The following HOOK2 variants were observed in gnomAD, a reference collection of about 807,000 sequenced individuals.
The protein encoded by HOOK2 is protein Hook homolog 2.
In HOOK2, 108 loss-of-function variants were observed where a neutral mutation model predicts 111.9. The ratio of observed to expected loss-of-function variants is 0.96; its 90% CI spans 0.83 to 1.13. The LOEUF (loss-of-function observed/expected upper bound fraction) is 1.13, where lower values mean the gene tolerates loss of function less well. Ranked by LOEUF, HOOK2 falls within the 50% of genes most tolerant of loss-of-function variation. HOOK2 has a pLI of 0.00. For synonymous variants in HOOK2, 405 were observed against 394.3 expected (o/e 1.03, Z -0.32); for missense variants, 978 against 951.3 (o/e 1.03, Z -0.37).
intron 3 of HOOK2, chr19:12,792,161 G>A (rs751978550): frequency 6.3e-7 from 1 of 1,593,626 alleles, no homozygotes; most frequent in South Asian, 1.1e-5. Flanking sequence ...GCGTCACCGA[G>A]GAGCAGGAGG....
rs2145730466 is a variant in HOOK2 at position 12,765,978 on chromosome 19, C to T, written c.1548G>A (p.Gln516=). The change falls in exon 16 of 23, where the codon CAG becomes CAA. Residue 516 remains glutamine, a synonymous_variant. Transcript: ENST00000397668. The stretch of plus-strand genomic sequence containing the variant: ...GCAGGGCTTTCTGCAGGTCCTCCAC[C>T]TGGGCCCGCAGCTCGGATAGCTGCT... ...NQQQLSELRA[Q]VEDLQKALQE... is the part of the protein sequence containing the mutation. 1 of 1,614,098 alleles carries T rather than the reference C, an allele frequency of 6.2e-7. No homozygotes were observed. The highest frequency in any genetic ancestry group is 8.5e-7 in the Non-Finnish European group (1 of 1,180,012).
At position 12,764,833 on chromosome 19, in the gene HOOK2, T is replaced by C. The variant is rs780260759; in HGVS notation, c.1808A>G (p.Tyr603Cys). Residue 603 changes from tyrosine to cysteine, a missense_variant, in exon 20 of 23, where the codon TAC becomes TGC. Physicochemically the swap from Tyr to Cys is radical, Grantham distance 194. Transcript: ENST00000397668. The part of the protein sequence containing the change: ...LRAMEERYRR[Y>C]VDKARMVMQT... ...CCTCACCATGCGGGCCTTGTCCACG[T>C]AGCGGCGGTATCGCTCCTCCATGGC... 9.3e-6 allele frequency: 15 copies of C among 1,613,954 alleles called. No individual in the cohort carries two copies. The highest frequency in any genetic ancestry group is 1.3e-5 in the Non-Finnish European group (15 of 1,180,010).
chr19:12,790,204 G>A lies in HOOK2; in HGVS notation n.42-15979C>T, dbSNP rs1056618072. The stretch of plus-strand genomic sequence containing the variant: ...GGGCTCCAAGCACCCGGGCCTCCGC[G>A]GGGGCTCGCACGCCCAGGTTCCTCT... On this transcript the variant is annotated intron_variant and non_coding_transcript_variant, in intron 3 of 3. Transcript: ENST00000589765. This position sits in a 1 kb window ranked among gnomAD's most constrained non-coding sequence, Gnocchi z 7.2. 1.3e-4 allele frequency among the ~76,000 whole-genome samples: 20 copies of A among 152,316 alleles called. No homozygotes were observed. Among genetic ancestry groups the A allele is most frequent in the African/African-American group, 4.8e-4 (20 of 41,586 alleles).
At chr19:12,769,723 C>G (rs1296032153) in intron 11 of HOOK2, among the ~76,000 whole-genome samples, 158 bp downstream of exon 11, 1 of 152,198 alleles carries the variant, frequency 6.6e-6, no homozygotes, top group Admixed American at 6.5e-5. Context: ...GGCTTACTAA[C>G]CCAGACAGAA....
intron 3 of HOOK2, among the ~76,000 whole-genome samples, chr19:12,783,925 G>C (rs1378035890): frequency 2.0e-5 from 3 of 152,106 alleles, no homozygotes; most frequent in Admixed American, 2.0e-4. Context: ...CCCAGGAAGT[G>C]AGAGGCGGGG....
Position 12,766,214 on chromosome 19 carries a change from T to A in HOOK2, c.1400A>T (p.Glu467Val). Residue 467 changes from glutamate to valine, a missense_variant, in exon 15 of 23, where the codon GAG becomes GTG. Physicochemically the swap from Glu to Val is moderately radical, Grantham distance 121. Transcript: ENST00000397668. Reference protein sequence around the residue: ...LRETLLRLQLENKRLCRQEAA... With the variant: ...LRETLLRLQLVNKRLCRQEAA... ...CTCCTGCCTGCACAGCCGCTTGTTC[T>A]CCAGCTGAAGCCGCAGGAGCGTCTC... 1.3e-6 allele frequency: 2 copies of A among 1,592,390 alleles called. No individual in the cohort carries two copies. Among genetic ancestry groups the A allele is most frequent in the Admixed American group, 1.7e-5 (1 of 59,112 alleles).
intron 20 of HOOK2, among the ~76,000 whole-genome samples, chr19:12,764,011 CTTTATT>C (rs1002498159): frequency 7.9e-5 from 12 of 151,960 alleles, no homozygotes; most frequent in East Asian, 1.9e-4. Context: ...TTTATTTTTA[CTTTATT>C]TTTATTTTTA....
At chr19:12,780,258 C>T (rs143957886), upstream of HOOK2, among the ~76,000 whole-genome samples, 1 of 152,280 alleles carries the variant, frequency 6.6e-6, no homozygotes, top group African/African-American at 2.4e-5. Flanking sequence ...TTGGGTGGGG[C>T]TCTCTCACTC....
intron 20 of HOOK2, chr19:12,764,286 T>G (rs945693678): frequency 3.1e-5 from 5 of 160,098 alleles, no homozygotes; most frequent in African/African-American, 1.2e-4. Context: ...AGTGCTGGGA[T>G]TAGCGGCGTG....
chr19:12,775,553 A>G (rs1599509467), upstream of HOOK2: 6 of 1,215,642 alleles, frequency 4.9e-6, no homozygotes, highest in East Asian at 1.9e-4. Context: ...CGCTCGGCCT[A>G]GAGCGCCGCC....
At chr19:12,789,174 TGAGAGAGAGAGAGAGAGACAAAGA>T (rs1249725564) in intron 3 of HOOK2, among the ~76,000 whole-genome samples, 1 of 147,454 alleles carries the variant, frequency 6.8e-6, no homozygotes, top group Non-Finnish European at 1.5e-5. Context: ...CCTGGGAAGC[TGAGAGAGAGAGAGAGAGACAAAGA>T]GAGAGAGAGA....
chr19:12,782,920 C>T (rs531891022), upstream of HOOK2, among the ~76,000 whole-genome samples: 1 of 152,076 alleles, frequency 6.6e-6, no homozygotes, highest in South Asian at 2.1e-4. Flanking sequence ...CCAGAGCTTC[C>T]CGCGTAGCCA....
chr19:12,777,889 T>C (rs1350705044), upstream of HOOK2, among the ~76,000 whole-genome samples: 1 of 152,286 alleles, frequency 6.6e-6, no homozygotes, highest in Non-Finnish European at 1.5e-5. Flanking sequence ...GAGTGCTTAC[T>C]GTATGCAGTC....
At chr19:12,775,026 T>A in intron 1 of HOOK2, 129 bp from the exon 2 acceptor site, 1 of 1,114,416 alleles carries the variant, frequency 9.0e-7, no homozygotes, top group Non-Finnish European at 1.3e-6. Context: ...ACAGCAGCTC[T>A]GCGAGGGACT....
In HOOK2 at chr19:12,772,949, C is replaced by T. The variant is rs1383507729; in HGVS notation, c.256-37G>A. On this transcript the variant is annotated intron_variant, in intron 4 of 22. Transcript: ENST00000397668. ...GGGGTGTCAGGGGCTCATGGGCCCA[C>T]CCTTCTCCCAACTCAACCCCCTGAA... 1.9e-6 allele frequency: 3 copies of T among 1,614,074 alleles called. No individual in the cohort carries two copies. The African/African-American group carries it at 4.0e-5, about 22-fold the overall frequency.
Position 12,772,810 on chromosome 19 carries a change from C to A in HOOK2, c.358G>T (p.Gly120Cys), listed in dbSNP as rs1279254419. 1.2e-6 allele frequency: 2 copies of A among 1,614,208 alleles called. No homozygotes were observed. The highest frequency in any genetic ancestry group is 1.7e-6 in the Non-Finnish European group (2 of 1,180,044). The change falls in exon 5 of 23, where the codon GGC becomes TGC. Residue 120 changes from glycine (G) to cysteine (C), a missense_variant. By Grantham distance (159) the Gly-to-Cys change is radical. Around this residue, in one of 5 missense-constraint regions of HOOK2, gnomAD observed 301 missense variants for 286.1 expected, o/e 1.05. Transcript: ENST00000397668. ...ELGKLLQLVL[G>C]CAISCEKKQD... The stretch of plus-strand genomic sequence containing the variant: ...TTTTTCTCGCAACTGATGGCACAGC[C>A]CAGCACCAGCTGAAGCAGCTTGCCG...
intron 18 of HOOK2, 51 bp from the exon 19 acceptor site, chr19:12,765,132 T>A: frequency 1.3e-6 from 2 of 1,591,678 alleles, no homozygotes; most frequent in Non-Finnish European, 1.7e-6. Context: ...CTGGCTTCTC[T>A]TTTGTCCCAG....
rs373156108 is a variant in HOOK2, at chr19:12,773,231, CTTTTTTT to C, written c.205-194_205-188del. 1,704 of 254,682 alleles carry C rather than the reference CTTTTTTT, an allele frequency of 6.7e-3. 4 individuals are homozygous for C. The highest frequency in any genetic ancestry group is 0.011 in the African/African-American group (345 of 30,654). The allele number at this position is 254,682 out of a possible 1,614,324, so 15.8% of individuals were successfully genotyped here. ...TTTGTCTGCCTGACCATCTTTGTTTCTTTTTTTTTTTTTTTTTTTTTTTGCTTTAGCT... is the reference window on the plus strand; with the variant it reads ...TTTGTCTGCCTGACCATCTTTGTTTCTTTTTTTTTTTTTTTTGCTTTAGCT... On this transcript the variant is annotated intron_variant, in intron 3 of 22. Coordinates refer to ENST00000397668, the MANE Select transcript of HOOK2 (RefSeq NM_013312.3).
Position 12,791,712 on chromosome 19 carries a change from C to A in HOOK2, n.42-17487G>T. On this transcript the variant is annotated intron_variant and non_coding_transcript_variant, in intron 3 of 3. Transcript: ENST00000589765. The surrounding 1 kb of genome is among the most constrained non-coding windows in gnomAD (Gnocchi z 7.0). ...ACCGCAGCGGAGAGCTCGCCGCTCG[C>A]TGCAGCGAGGCCCGGAGCGGCCCCG... The A allele has an allele frequency of 7.6e-7, 1 of 1,312,398 alleles. No individual in the cohort carries two copies. Among genetic ancestry groups the A allele is most frequent in the Non-Finnish European group, 1.0e-6 (1 of 959,300 alleles). 81.3% of individuals were successfully genotyped at this position (1,312,398 alleles called of 1,614,324 possible). A position where few individuals can be genotyped will look rare whatever the true frequency, so the allele number is the denominator to read the frequency against.
Sources: allele counts gnomAD v4.1 joint callset (sites outside exome capture counted in the v4.1 genomes callset), GRCh38; gene constraint gnomAD v4.1.1; regional missense constraint gnomAD v4.1.1; non-coding constraint Gnocchi (gnomAD v3.1); transcripts MANE v1.5; gene names NCBI Gene and HGNC (gene_info 2026-07-23, HGNC 2026-07-21).